UBE2E3: variants seen among roughly 807,000 people sequenced by gnomAD.
UBE2E3 encodes the protein ubiquitin-conjugating enzyme E2 E3.
In UBE2E3, 5 loss-of-function variants were observed where a neutral mutation model predicts 23.6. That is an observed-to-expected ratio of 0.21 (90% confidence interval 0.11 to 0.44). The LOEUF (loss-of-function observed/expected upper bound fraction) is 0.44. Ranked by LOEUF, UBE2E3 falls within the 20% of genes least tolerant of loss-of-function variation. The pLI is 0.99. For synonymous variants in UBE2E3, 78 were observed against 87.5 expected, an observed-to-expected ratio of 0.89 and a Z score of 0.60; for missense variants, 81 against 249.8, an observed-to-expected ratio of 0.32 and a Z score of 4.55.
At chr2:181,035,316 T>A (rs539002324) in intron 3 of UBE2E3, among the ~76,000 whole-genome samples, 1 of 152,306 alleles carries the variant, frequency 6.6e-6, no homozygotes, top group African/African-American at 2.4e-5. Context: ...GCAGTAGTAC[T>A]GTCAGCTGCT....
intron 3 of UBE2E3, among the ~76,000 whole-genome samples, chr2:181,051,032 C>T (rs529458561): frequency 6.6e-6 from 1 of 151,792 alleles, no homozygotes; most frequent in African/African-American, 2.4e-5. Context: ...TACTTTCTTC[C>T]CAGTCTCATT....
chr2:181,051,687 T>C (rs934084933), intron 3 of UBE2E3, among the ~76,000 whole-genome samples: 2 of 151,944 alleles, frequency 1.3e-5, no homozygotes, highest in East Asian at 3.9e-4. Flanking sequence ...TTCAATATTA[T>C]GCATTTTAAG....
At chr2:181,001,640 G>A (rs1488029771) in intron 3 of UBE2E3, among the ~76,000 whole-genome samples, 1 of 152,092 alleles carries the variant, frequency 6.6e-6, no homozygotes, top group Non-Finnish European at 1.5e-5. Flanking sequence ...CAAAACTGAA[G>A]GTAAGGATTC....
chr2:180,987,568 T>G (rs1051627256), intron 3 of UBE2E3, among the ~76,000 whole-genome samples: 3 of 152,160 alleles, frequency 2.0e-5, no homozygotes, highest in African/African-American at 7.2e-5. Context: ...GGGGGATATG[T>G]ATTACAGTTT....
intron 3 of UBE2E3, among the ~76,000 whole-genome samples, chr2:181,023,631 C>T (rs1481511739): frequency 2.6e-5 from 4 of 152,090 alleles, no homozygotes; most frequent in Non-Finnish European, 4.4e-5. Context: ...ACTCTGACAA[C>T]CTCGAAGGAT....
chr2:181,014,780 A>G (rs780098913), intron 3 of UBE2E3, among the ~76,000 whole-genome samples: 8 of 152,192 alleles, frequency 5.3e-5, no homozygotes, highest in Non-Finnish European at 7.3e-5. Flanking sequence ...ATACCTTTAT[A>G]TGATGTATAA....
At chr2:180,997,541 C>T (rs1355197931) in intron 3 of UBE2E3, among the ~76,000 whole-genome samples, 1 of 151,928 alleles carries the variant, frequency 6.6e-6, no homozygotes, top group Non-Finnish European at 1.5e-5. Flanking sequence ...TTGTTTATCC[C>T]TTCTCATCTC....
chr2:181,058,692 A>G (rs1387829574), intron 4 of UBE2E3, among the ~76,000 whole-genome samples: 3 of 151,150 alleles, frequency 2.0e-5, no homozygotes, highest in Non-Finnish European at 4.4e-5. Flanking sequence ...TTTATGTTGC[A>G]GTCTATACCA....
chr2:181,041,097 A>T (rs1318464956), intron 3 of UBE2E3, among the ~76,000 whole-genome samples: 2 of 151,972 alleles, frequency 1.3e-5, no homozygotes, highest in Admixed American at 6.6e-5. Context: ...AAAATAAAAA[A>T]ATTAGACGGG....
chr2:181,036,582 T>G (rs1351433446), intron 3 of UBE2E3, among the ~76,000 whole-genome samples: 4 of 152,036 alleles, frequency 2.6e-5, no homozygotes, highest in Non-Finnish European at 4.4e-5. Context: ...CCTGAGTGAG[T>G]GAGGGGGTGT....
chr2:181,041,471 C>G (rs972195695), intron 3 of UBE2E3, among the ~76,000 whole-genome samples: 3 of 150,816 alleles, frequency 2.0e-5, no homozygotes, highest in Non-Finnish European at 4.4e-5. Flanking sequence ...GATGGAGTCT[C>G]TCTCCGTCGC....
In UBE2E3 at chr2:181,046,562, T is replaced by A. The variant is rs140172853; in HGVS notation, c.246-11131T>A. Among the ~76,000 whole-genome samples, 802 of 152,240 alleles carry A rather than the reference T, an allele frequency of 5.3e-3. 13 individuals are homozygous for A. Among genetic ancestry groups the A allele is most frequent in the African/African-American group, 0.018 (738 of 41,542 alleles). ...AGATGATCTGTCACATATGGTTAAG[T>A]TGTAATTCAGATTTACAATATATTG... On this transcript the variant is annotated intron_variant, in intron 3 of 5. Coordinates refer to ENST00000410062, the MANE Select transcript of UBE2E3 (RefSeq NM_006357.4).
chr2:180,993,442 T>C (rs72883527), intron 3 of UBE2E3, among the ~76,000 whole-genome samples: 30,871 of 152,134 alleles, frequency 0.2, 3,995 homozygotes, highest in Non-Finnish European at 0.28. Flanking sequence ...TTCCAGCTTG[T>C]CTGGGGAAAA....
In UBE2E3 at chr2:181,052,356, C is replaced by G. The variant is rs1686867691; in HGVS notation, c.246-5337C>G. ...AAAGCCCCTTCCTCATCCTCTTTTT[C>G]TCTTATCACTAGAGACAGAAACTAA... On this transcript the variant is annotated intron_variant, in intron 3 of 5. Coordinates refer to ENST00000410062, the MANE Select transcript of UBE2E3 (RefSeq NM_006357.4). 2.0e-5 allele frequency among the ~76,000 whole-genome samples: 3 copies of G among 151,794 alleles called. 1 individual carries two copies. The South Asian group carries it at 6.2e-4, about 32-fold the overall frequency.
In UBE2E3 at chr2:180,986,763, A is replaced by G. The variant is rs887433148; in HGVS notation, c.245+2670A>G. Reference sequence around the variant, plus strand: ...GATTTTTACAAGCTTGTCAAAGTACATGACAGATTTAATTCTTCCTCAGGG... The same window carrying G: ...GATTTTTACAAGCTTGTCAAAGTACGTGACAGATTTAATTCTTCCTCAGGG... On this transcript the variant is annotated intron_variant, in intron 3 of 5. Coordinates refer to ENST00000410062, the MANE Select transcript of UBE2E3 (RefSeq NM_006357.4). Among the ~76,000 whole-genome samples the G allele has an allele frequency of 2.6e-5, 4 of 152,270 alleles. 1 individual carries two copies. The highest frequency in any genetic ancestry group is 2.1e-4 in the South Asian group (1 of 4,828).
intron 5 of UBE2E3, among the ~76,000 whole-genome samples, chr2:181,061,823 C>G (rs1023949664): frequency 6.7e-6 from 1 of 149,436 alleles, no homozygotes; most frequent in East Asian, 2.0e-4. Context: ...TGATAAGTCA[C>G]TAAAGACTGT....
intron 3 of UBE2E3, among the ~76,000 whole-genome samples, chr2:181,045,816 T>C (rs908384119): frequency 1.3e-5 from 2 of 152,110 alleles, no homozygotes; most frequent in African/African-American, 4.8e-5. Flanking sequence ...ACTTCCCTTA[T>C]TAATTTAGTG....
chr2:181,062,693 C>G (rs1225318560), intron 5 of UBE2E3, 98 bp from the exon 6 acceptor site: 1 of 537,920 alleles, frequency 1.9e-6, no homozygotes, highest in Non-Finnish European at 3.2e-6. Flanking sequence ...TATGAAGATA[C>G]TGCTGAAAAA....
chr2:180,992,554 T>C (rs1374335722), intron 3 of UBE2E3, among the ~76,000 whole-genome samples: 3 of 152,204 alleles, frequency 2.0e-5, no homozygotes, highest in African/African-American at 7.2e-5. Context: ...TTGACTTATA[T>C]CTGTGTATCT....
Sources: gnomAD v4.1 joint callset for allele counts (sites outside exome capture counted in the v4.1 genomes callset) on GRCh38, gnomAD v4.1.1 for gene constraint, MANE v1.5 for transcripts, NCBI Gene and HGNC (gene_info 2026-07-23, HGNC 2026-07-21) for gene names.